DLGAP1: variants seen among roughly 807,000 people sequenced by gnomAD.
DLGAP1 encodes the protein disks large-associated protein 1.
DLGAP1 carries 11 observed loss-of-function variants against 90.8 expected under a neutral mutation model. That is an observed-to-expected ratio of 0.12 (90% CI 0.08 to 0.20). The LOEUF is 0.20. DLGAP1 is among the 10% of genes least tolerant of loss of function. The probability of loss-of-function intolerance (pLI) is 1.00; values close to 1 mark genes in which losing one functional copy is unlikely to be tolerated. For missense variants in DLGAP1, 1,050 were observed against 1,333.8 expected (o/e 0.79, Z 3.31); for synonymous variants, 558 against 540.7 (o/e 1.03, Z -0.44).
chr18:3,801,544 G>A (rs1346523358), intron 5 of DLGAP1, among the ~76,000 whole-genome samples: 1 of 151,974 alleles, frequency 6.6e-6, no homozygotes, highest in Non-Finnish European at 1.5e-5. Context: ...CTGTGACCTT[G>A]GAAAGTCAAT....
rs149285320 is a variant in DLGAP1 at position 3,736,223 on chromosome 18, T to C, written c.1350+6112A>G. ...TAACTTGGAAATGACAGTGACTACA[T>C]GACATATTTTTAAAATATTGGACTT... is the stretch of plus-strand genomic sequence containing the variant. On this transcript the variant is annotated intron_variant, in intron 6 of 12. Transcript: ENST00000315677. Among the ~76,000 whole-genome samples the C allele has an allele frequency of 2.9e-3, 435 of 152,340 alleles. 3 individuals carry two copies. The highest frequency in any genetic ancestry group is 9.7e-3 in the African/African-American group (404 of 41,572).
At chr18:4,311,062 G>C (rs2080386630) in intron 1 of DLGAP1, among the ~76,000 whole-genome samples, 1 of 151,964 alleles carries the variant, frequency 6.6e-6, no homozygotes, top group Non-Finnish European at 1.5e-5. Context: ...TCAAAGCCTA[G>C]GTCTAAAGAG....
At chr18:4,147,865 C>A (rs1294018343) in intron 2 of DLGAP1, among the ~76,000 whole-genome samples, 2 of 152,112 alleles carry the variant, frequency 1.3e-5, no homozygotes, top group Non-Finnish European at 2.9e-5. Flanking sequence ...AATTGTAGTG[C>A]CAGCCTGGAT....
At chr18:3,581,792 A>G in intron 8 of DLGAP1, 83 bp downstream of exon 8, 1 of 1,549,332 alleles carries the variant, frequency 6.5e-7, no homozygotes, top group South Asian at 1.2e-5. Flanking sequence ...GCGGCAAGAA[A>G]GCAAATCTTC....
intron 6 of DLGAP1, among the ~76,000 whole-genome samples, chr18:3,738,024 A>G (rs2062733043): frequency 6.6e-6 from 1 of 151,386 alleles, no homozygotes; most frequent in Non-Finnish European, 1.5e-5. Flanking sequence ...CCCATTCACA[A>G]TTGCTTCAAA....
chr18:3,651,216 G>T (rs961313847), intron 7 of DLGAP1, among the ~76,000 whole-genome samples: 10 of 152,018 alleles, frequency 6.6e-5, no homozygotes, highest in African/African-American at 2.2e-4. Flanking sequence ...AAAATTAGCT[G>T]GGCATGGTGG....
chr18:4,020,422 G>C (rs1424310117), intron 2 of DLGAP1, among the ~76,000 whole-genome samples: 2 of 152,176 alleles, frequency 1.3e-5, no homozygotes, highest in African/African-American at 4.8e-5. Flanking sequence ...TTGAGTAACC[G>C]TTATGTGCCA....
At chr18:3,577,510 C>A (rs570632512) in intron 8 of DLGAP1, among the ~76,000 whole-genome samples, 1 of 152,138 alleles carries the variant, frequency 6.6e-6, no homozygotes, top group Admixed American at 6.5e-5. Flanking sequence ...TTCTACTATG[C>A]GGTGGTATAA....
intron 6 of DLGAP1, among the ~76,000 whole-genome samples, chr18:3,737,274 G>C (rs943502679): frequency 4.6e-5 from 7 of 152,188 alleles, no homozygotes; most frequent in Non-Finnish European, 1.5e-5. Flanking sequence ...CATTTGATGA[G>C]GCCAGCATCA....
At chr18:4,159,639 G>A (rs1428222693) in intron 1 of DLGAP1, among the ~76,000 whole-genome samples, 1 of 152,088 alleles carries the variant, frequency 6.6e-6, no homozygotes, top group Non-Finnish European at 1.5e-5. Flanking sequence ...GTACATTGTA[G>A]GTACTATACA....
At chr18:3,818,479 C>T (rs1466009738) in intron 4 of DLGAP1, among the ~76,000 whole-genome samples, 2 of 149,838 alleles carry the variant, frequency 1.3e-5, no homozygotes, top group East Asian at 4.0e-4. Flanking sequence ...CTTGCCTCAG[C>T]TTCTTGAGTA....
chr18:3,840,888 C>T (rs112281363), intron 4 of DLGAP1, among the ~76,000 whole-genome samples: 12 of 152,308 alleles, frequency 7.9e-5, no homozygotes, highest in African/African-American at 2.6e-4. Flanking sequence ...TCACGGAACA[C>T]CCTGTTGCCT....
intron 2 of DLGAP1, among the ~76,000 whole-genome samples, chr18:4,143,044 C>T (rs749642978): frequency 1.7e-4 from 26 of 152,186 alleles, no homozygotes; most frequent in Admixed American, 2.6e-4. Flanking sequence ...GCCACCACCA[C>T]TGGGACTGTG....
At chr18:3,932,496 G>A (rs539876822) in intron 3 of DLGAP1, among the ~76,000 whole-genome samples, 1 of 152,156 alleles carries the variant, frequency 6.6e-6, no homozygotes, top group Admixed American at 6.5e-5. Context: ...CCTTGCGGGG[G>A]AGCCTAGGCC....
intron 9 of DLGAP1, among the ~76,000 whole-genome samples, chr18:3,563,794 T>C (rs1391250436): frequency 2.6e-5 from 4 of 152,202 alleles, no homozygotes; most frequent in African/African-American, 4.8e-5. Flanking sequence ...CAGTCTTCTT[T>C]CTCTTTGCTT....
At chr18:3,988,316 T>G (rs929240591) in intron 3 of DLGAP1, among the ~76,000 whole-genome samples, 2 of 152,158 alleles carry the variant, frequency 1.3e-5, no homozygotes, top group African/African-American at 4.8e-5. Flanking sequence ...CACTTGCCAC[T>G]ATAAAGCCTA....
rs2061591486 is a variant in DLGAP1 at position 3,711,379 on chromosome 18, C to T, written c.1591+17756G>A. On this transcript the variant is annotated intron_variant, in intron 7 of 12. Coordinates refer to ENST00000315677, the MANE Select transcript of DLGAP1 (RefSeq NM_004746.4). The surrounding 1 kb of genome is among the most constrained non-coding windows in gnomAD (Gnocchi z 4.0). Reference sequence around the variant, plus strand: ...TTAAAGAATAGCCAGGTAAATCGACCTGTTTATAAAATGTATATGCCCAAT... The same window carrying T: ...TTAAAGAATAGCCAGGTAAATCGACTTGTTTATAAAATGTATATGCCCAAT... Among the ~76,000 whole-genome samples, 1 of 152,182 alleles carries T rather than the reference C, an allele frequency of 6.6e-6. No individual in the cohort carries two copies. Among genetic ancestry groups the T allele is most frequent in the South Asian group, 2.1e-4 (1 of 4,822 alleles).
At chr18:4,376,333 A>C (rs1396145751) in intron 1 of DLGAP1, among the ~76,000 whole-genome samples, 2 of 152,116 alleles carry the variant, frequency 1.3e-5, no homozygotes, top group East Asian at 3.9e-4. Flanking sequence ...ATCTGATTAC[A>C]TTTTCCATGA....
At chr18:4,008,688 G>C (rs1354587096) in intron 2 of DLGAP1, among the ~76,000 whole-genome samples, 1 of 152,088 alleles carries the variant, frequency 6.6e-6, no homozygotes, top group Non-Finnish European at 1.5e-5. Context: ...CAGTGACGGG[G>C]AAAAAAATAA....
Sources: allele counts gnomAD v4.1 joint callset (sites outside exome capture counted in the v4.1 genomes callset), GRCh38; gene constraint gnomAD v4.1.1; non-coding constraint Gnocchi (gnomAD v3.1); transcripts MANE v1.5; gene names NCBI Gene and HGNC (gene_info 2026-07-23, HGNC 2026-07-21).